Variants in ARL13B observed in about 807,000 individuals in gnomAD.
ARL13B encodes ADP-ribosylation factor-like protein 13B.
In ARL13B, 36 loss-of-function variants were observed where a neutral mutation model predicts 56.1. The observed-to-expected ratio is 0.64, with a 90% CI of 0.49 to 0.85. The LOEUF is 0.85. Among genes scored for constraint, ARL13B ranks in the 40% least tolerant of loss-of-function variants. The pLI is 0.00. For synonymous variants in ARL13B, 178 were observed against 171.1 expected, an observed-to-expected ratio of 1.04 and a Z score of -0.32; for missense variants, 519 against 507.1, an observed-to-expected ratio of 1.02 and a Z score of -0.23.
chr3:93,996,602 G>A, intron 2 of ARL13B: 1 of 441,212 alleles, frequency 2.3e-6, no homozygotes, highest in South Asian at 1.6e-5. Context: ...GGTCTGGAAT[G>A]CCTAGCCTCA....
chr3:93,991,023 A>C (rs2075866305), intron 1 of ARL13B, among the ~76,000 whole-genome samples: 3 of 152,180 alleles, frequency 2.0e-5, no homozygotes, highest in Admixed American at 2.0e-4. Context: ...ATAGTGTCAG[A>C]ATGTATTTGT....
intron 5 of ARL13B, among the ~76,000 whole-genome samples, chr3:94,037,816 A>G (rs1367724549): frequency 6.6e-6 from 1 of 152,108 alleles, no homozygotes; most frequent in African/African-American, 2.4e-5. Flanking sequence ...AAAGAAATCT[A>G]ATGTTAGTAA....
chr3:94,030,524 G>A (rs1183360815), intron 3 of ARL13B, among the ~76,000 whole-genome samples: 4 of 151,174 alleles, frequency 2.6e-5, no homozygotes, highest in Middle Eastern at 7.0e-3. Flanking sequence ...GAGCCACCAC[G>A]TCCAGCCGAT....
intron 1 of ARL13B, among the ~76,000 whole-genome samples, chr3:93,987,196 T>A (rs1315905720): frequency 1.3e-5 from 2 of 151,998 alleles, no homozygotes; most frequent in Non-Finnish European, 2.9e-5. Context: ...TCTCACCATA[T>A]TGCCCAGGTT....
At chr3:94,045,685 G>A (rs1385615117) in intron 7 of ARL13B, among the ~76,000 whole-genome samples, 2 of 151,754 alleles carry the variant, frequency 1.3e-5, no homozygotes, top group African/African-American at 2.4e-5. Context: ...AGTAGTGGCC[G>A]GGCACAGTGG....
At chr3:93,999,084 A>G (rs2076011849) in intron 2 of ARL13B, among the ~76,000 whole-genome samples, 1 of 147,186 alleles carries the variant, frequency 6.8e-6, no homozygotes, top group South Asian at 2.1e-4. Context: ...TCTAATTCAT[A>G]TTCTATTTAT....
In ARL13B at chr3:94,029,018, A is replaced by G. The variant is rs533427866; in HGVS notation, c.381-6313A>G. On this transcript the variant is annotated intron_variant, in intron 3 of 9. Transcript: ENST00000394222. Reference sequence around the variant, plus strand: ...AGGAAAGAGCTCATGTCTGTAAACCATTCATCCCACGTTACTTTTAATTTT... The same window carrying G: ...AGGAAAGAGCTCATGTCTGTAAACCGTTCATCCCACGTTACTTTTAATTTT... Among the ~76,000 whole-genome samples, 49 of 152,018 alleles carry G rather than the reference A, an allele frequency of 3.2e-4. 1 individual carries two copies. Among genetic ancestry groups the G allele is most frequent in the African/African-American group, 1.2e-3 (49 of 41,512 alleles).
In ARL13B at chr3:93,980,247, C is replaced by G. The variant is rs1306887721; in HGVS notation, c.-177C>G. Reference sequence around the variant, plus strand: ...TGGCTAAGAGGGCAGTCGTCGCGGACCCACGCGGTTAGCAAGGCTTAGTGC... The same window carrying G: ...TGGCTAAGAGGGCAGTCGTCGCGGAGCCACGCGGTTAGCAAGGCTTAGTGC... On this transcript the variant is annotated 5_prime_UTR_variant, in exon 1 of 10. Transcript: ENST00000394222. The G allele has an allele frequency of 1.3e-6, 1 of 782,476 alleles. No homozygotes were observed. Among genetic ancestry groups the G allele is most frequent in the African/African-American group, 1.7e-5 (1 of 58,736 alleles). 48.5% of individuals were successfully genotyped at this position (782,476 alleles called of 1,614,324 possible).
intron 3 of ARL13B, among the ~76,000 whole-genome samples, chr3:94,012,156 C>G (rs542836455): frequency 7.6e-4 from 115 of 152,204 alleles, no homozygotes; most frequent in African/African-American, 2.7e-3. Context: ...ATCTGCACTT[C>G]CAGTTTTTTA....
chr3:94,018,952 G>A (rs996403267), intron 3 of ARL13B, among the ~76,000 whole-genome samples: 2 of 151,830 alleles, frequency 1.3e-5, no homozygotes, highest in African/African-American at 4.8e-5. Context: ...TTTTATTAAC[G>A]ACAGGGTTTC....
intron 6 of ARL13B, among the ~76,000 whole-genome samples, chr3:94,041,679 A>G (rs767494842): frequency 1.3e-5 from 2 of 152,212 alleles, no homozygotes; most frequent in Non-Finnish European, 2.9e-5. Flanking sequence ...AGTGACACGT[A>G]TGCACAAAAG....
At chr3:94,005,152 C>T (rs927266083) in intron 3 of ARL13B, among the ~76,000 whole-genome samples, 1 of 152,010 alleles carries the variant, frequency 6.6e-6, no homozygotes, top group African/African-American at 2.4e-5. Flanking sequence ...TCTATAATCA[C>T]AACATTGCCA....
chr3:93,983,451 A>G (rs1481006568), intron 1 of ARL13B, among the ~76,000 whole-genome samples: 1 of 152,164 alleles, frequency 6.6e-6, no homozygotes, highest in Non-Finnish European at 1.5e-5. Flanking sequence ...AACTCTTGAA[A>G]TTTTATTGTT....
intron 3 of ARL13B, among the ~76,000 whole-genome samples, chr3:94,013,756 G>A (rs902453143): frequency 6.6e-5 from 10 of 152,154 alleles, no homozygotes; most frequent in South Asian, 4.1e-4. Flanking sequence ...GACCAGCCTC[G>A]CCAACATAGC....
intron 1 of ARL13B, among the ~76,000 whole-genome samples, chr3:93,980,790 T>C (rs1156458949): frequency 6.6e-6 from 1 of 152,038 alleles, no homozygotes; most frequent in African/African-American, 2.4e-5. Flanking sequence ...TGTGTGTTTT[T>C]CCTCTGAAGC....
chr3:94,015,280 C>G (rs1449890444), intron 3 of ARL13B: 1 of 1,514,422 alleles, frequency 6.6e-7, no homozygotes, highest in African/African-American at 1.4e-5. Flanking sequence ...CTTCCCTTTC[C>G]TCCTAAGAAG....
intron 7 of ARL13B, among the ~76,000 whole-genome samples, chr3:94,043,623 TCCCCTCCCCCTCCCTCTCCTTCCCTCCC>T (rs2076914487): frequency 0.019 from 1 of 54 alleles, no homozygotes; most frequent in African/African-American, 0.056. Context: ...CTCCCCCTCC[TCCCCTCCCCCTCCCTCTCCTTCCCTCCC>T]CCCTCCCCTT....
At chr3:94,040,924 A>G (rs2076850466) in intron 6 of ARL13B, among the ~76,000 whole-genome samples, 1 of 152,156 alleles carries the variant, frequency 6.6e-6, no homozygotes, top group Non-Finnish European at 1.5e-5. Flanking sequence ...ATTTCCCACA[A>G]TGTATAGAAG....
intron 1 of ARL13B, among the ~76,000 whole-genome samples, chr3:93,985,822 A>G (rs149229407): frequency 0.016 from 2,462 of 152,286 alleles, 59 homozygotes; most frequent in African/African-American, 0.054. Flanking sequence ...TCACAAATAC[A>G]ACCTATCAAA....
Sources: gnomAD v4.1 joint callset for allele counts (sites outside exome capture counted in the v4.1 genomes callset) on GRCh38, gnomAD v4.1.1 for gene constraint, MANE v1.5 for transcripts, NCBI Gene and HGNC (gene_info 2026-07-23, HGNC 2026-07-21) for gene names.